The following LIMS1 variants were observed in gnomAD, a reference collection of about 807,000 sequenced individuals.
LIMS1 encodes the protein LIM zinc finger domain containing 1.
LIMS1 carries 18 observed loss-of-function variants against 44.1 expected under a neutral mutation model. The observed-to-expected ratio is 0.41, with a 90% confidence interval of 0.28 to 0.61. The LOEUF (loss-of-function observed/expected upper bound fraction) is 0.61. Ranked by LOEUF, LIMS1 falls within the 20% of genes least tolerant of loss-of-function variation. The pLI, the probability that LIMS1 is intolerant of heterozygous loss-of-function variation, is 0.32. For missense variants in LIMS1, 201 were observed against 422.0 expected (o/e 0.48, Z 4.59); for synonymous variants, 93 against 149.1 (o/e 0.62, Z 2.74).
At chr2:108,683,718 TCA>T (rs1693159498) in intron 9 of LIMS1, among the ~76,000 whole-genome samples, 165 bp from the exon 10 acceptor site, 2 of 152,024 alleles carry the variant, frequency 1.3e-5, no homozygotes, top group Non-Finnish European at 2.9e-5. Flanking sequence ...TATATATATA[TCA>T]CAATAAGAAT....
chr2:108,665,504 C>CT (rs940575082), intron 2 of LIMS1, among the ~76,000 whole-genome samples: 3 of 151,976 alleles, frequency 2.0e-5, no homozygotes, highest in Non-Finnish European at 4.4e-5. Flanking sequence ...AACAGCTTTC[C>CT]TTTTTAATTT....
chr2:108,547,786 G>C (rs574185779), intron 1 of LIMS1, among the ~76,000 whole-genome samples: 1 of 152,004 alleles, frequency 6.6e-6, no homozygotes, highest in Non-Finnish European at 1.5e-5. Context: ...AGAATATATC[G>C]GTTCCCTTGG....
At chr2:108,649,936 T>C (rs562692254) in intron 1 of LIMS1, among the ~76,000 whole-genome samples, 2 of 152,336 alleles carry the variant, frequency 1.3e-5, no homozygotes, top group African/African-American at 4.8e-5. Flanking sequence ...CTGCACGTTC[T>C]GCACATGTAC....
chr2:108,641,140 T>C (rs905014393), intron 1 of LIMS1, among the ~76,000 whole-genome samples: 1 of 152,190 alleles, frequency 6.6e-6, no homozygotes. Flanking sequence ...CTGGATGATA[T>C]TCCATCTGAA....
intron 1 of LIMS1, among the ~76,000 whole-genome samples, chr2:108,616,198 T>C (rs987565168): frequency 3.9e-5 from 1 of 25,340 alleles, no homozygotes; most frequent in Admixed American, 4.5e-4. Flanking sequence ...TTGCATGGGC[T>C]TTTTTTTTTT....
At chr2:108,628,887 C>T (rs1688737200) in intron 1 of LIMS1, among the ~76,000 whole-genome samples, 1 of 152,190 alleles carries the variant, frequency 6.6e-6, no homozygotes, top group Non-Finnish European at 1.5e-5. Context: ...ATCTTTGCTC[C>T]CTGGCTAAAG....
intron 1 of LIMS1, among the ~76,000 whole-genome samples, chr2:108,535,127 T>C (rs1218771524): frequency 1.3e-5 from 2 of 152,236 alleles, no homozygotes. Context: ...TGGCGTCCTT[T>C]ACAGTTTGCG....
intron 9 of LIMS1, chr2:108,681,216 C>T (rs1252870540): frequency 4.0e-6 from 5 of 1,252,314 alleles, no homozygotes; most frequent in South Asian, 3.7e-5. Context: ...TTCTTCCCCC[C>T]CTGCAACTTT....
intron 1 of LIMS1, among the ~76,000 whole-genome samples, chr2:108,642,515 A>G (rs557702369): frequency 4.0e-4 from 60 of 151,194 alleles, no homozygotes; most frequent in Non-Finnish European, 5.9e-4. Context: ...GCCCGCTACC[A>G]CGCCCGGCTA....
intron 2 of LIMS1, among the ~76,000 whole-genome samples, chr2:108,669,743 C>T (rs1162105466): frequency 1.3e-5 from 2 of 150,624 alleles, no homozygotes; most frequent in Non-Finnish European, 3.0e-5. Context: ...AAGGAACACC[C>T]AAAATAGAAA....
At chr2:108,636,119 G>GC (rs761649148) in intron 1 of LIMS1, among the ~76,000 whole-genome samples, 4 of 152,364 alleles carry the variant, frequency 2.6e-5, no homozygotes, top group Non-Finnish European at 5.9e-5. Context: ...GTAAGGAGCA[G>GC]CCACGGACCC....
intron 1 of LIMS1, among the ~76,000 whole-genome samples, chr2:108,575,942 G>A (rs1432409788): frequency 6.6e-6 from 1 of 152,130 alleles, no homozygotes; most frequent in African/African-American, 2.4e-5. Context: ...ATAGGCACGT[G>A]TGCTTGCACC....
intron 1 of LIMS1, among the ~76,000 whole-genome samples, chr2:108,599,406 A>C (rs552631200): frequency 5.9e-5 from 9 of 152,286 alleles, no homozygotes; most frequent in Admixed American, 2.6e-4. Flanking sequence ...ACTCCATTGT[A>C]TATAAGTACC....
intron 1 of LIMS1, among the ~76,000 whole-genome samples, chr2:108,651,524 A>G (rs929640565): frequency 1.3e-5 from 2 of 152,404 alleles, no homozygotes; most frequent in African/African-American, 4.8e-5. Context: ...TGTTACATTG[A>G]TTGATTAAAC....
intron 1 of LIMS1, among the ~76,000 whole-genome samples, chr2:108,649,384 A>C (rs2148940469): frequency 6.6e-6 from 1 of 152,356 alleles, no homozygotes; most frequent in South Asian, 2.1e-4. Flanking sequence ...GTGGGAGTGT[A>C]TATTAGTTCA....
At chr2:108,552,418 GTATA>G (rs2104593309) in intron 1 of LIMS1, among the ~76,000 whole-genome samples, 2 of 142,402 alleles carry the variant, frequency 1.4e-5, no homozygotes, top group South Asian at 4.3e-4. Flanking sequence ...AACTATAATT[GTATA>G]TAGTTAAAAA....
At chr2:108,577,177 T>C (rs1685702666) in intron 1 of LIMS1, among the ~76,000 whole-genome samples, 1 of 152,226 alleles carries the variant, frequency 6.6e-6, no homozygotes, top group African/African-American at 2.4e-5. Context: ...TGCTGTTGCC[T>C]GAGAAGCTAG....
intron 1 of LIMS1, among the ~76,000 whole-genome samples, chr2:108,629,505 G>GA (rs905056543): frequency 2.0e-5 from 3 of 152,176 alleles, no homozygotes; most frequent in Admixed American, 6.5e-5. Context: ...AAGAACAGAT[G>GA]AAAAAATGCA....
At chr2:108,572,975 C>G (rs1685537327) in intron 1 of LIMS1, among the ~76,000 whole-genome samples, 1 of 152,144 alleles carries the variant, frequency 6.6e-6, no homozygotes, top group African/African-American at 2.4e-5. Flanking sequence ...CCACATCAGA[C>G]TGAGTGTATG....
Sources: allele counts gnomAD v4.1 joint callset (sites outside exome capture counted in the v4.1 genomes callset), GRCh38; gene constraint gnomAD v4.1.1; transcripts MANE v1.5; gene names NCBI Gene and HGNC (gene_info 2026-07-23, HGNC 2026-07-21).